SGCG: variants seen among roughly 807,000 people sequenced by gnomAD.
SGCG encodes the protein gamma-sarcoglycan.
SGCG carries 26 observed loss-of-function variants against 29.3 expected under a neutral mutation model. The ratio of observed to expected loss-of-function variants is 0.89; its 90% CI spans 0.65 to 1.23. The LOEUF (loss-of-function observed/expected upper bound fraction) is 1.23, where lower values mean the gene tolerates loss of function less well. Ranked by LOEUF, SGCG falls within the 50% of genes most tolerant of loss-of-function variation. The probability of loss-of-function intolerance (pLI) is 0.00; values close to 1 mark genes in which losing one functional copy is unlikely to be tolerated. For missense variants in SGCG, 353 were observed against 356.0 expected, an observed-to-expected ratio of 0.99 and a Z score of 0.07; for synonymous variants, 145 against 129.7, an observed-to-expected ratio of 1.12 and a Z score of -0.80.
At chr13:23,191,923 C>G (rs960990813) in intron 1 of SGCG, among the ~76,000 whole-genome samples, 2 of 152,132 alleles carry the variant, frequency 1.3e-5, no homozygotes, top group African/African-American at 4.8e-5. Context: ...CGGTGGCTCA[C>G]GCCTGTAATC....
At chr13:23,203,021 G>A (rs376695648) in intron 1 of SGCG, among the ~76,000 whole-genome samples, 4 of 151,866 alleles carry the variant, frequency 2.6e-5, no homozygotes, top group South Asian at 2.1e-4. Context: ...GTGCAGTGGC[G>A]CGATCTCTGC....
chr13:23,244,233 A>C (rs1200106778), intron 3 of SGCG: 1 of 152,232 alleles, frequency 6.6e-6, no homozygotes, highest in African/African-American at 2.4e-5. Context: ...CAGAGAAAGT[A>C]TAAACAAAAC....
At chr13:23,204,706 C>CTTT (rs398056176) in intron 2 of SGCG, among the ~76,000 whole-genome samples, 8 of 115,306 alleles carry the variant, frequency 6.9e-5, no homozygotes, top group African/African-American at 1.3e-4. Context: ...TCTTTCTTTC[C>CTTT]TTTTTTTTTT....
chr13:23,183,626 C>A (rs1331301249), intron 1 of SGCG, among the ~76,000 whole-genome samples: 1 of 152,092 alleles, frequency 6.6e-6, no homozygotes, highest in Non-Finnish European at 1.5e-5. Context: ...TTTTCTTCAA[C>A]ATTTTTGATT....
intron 2 of SGCG, among the ~76,000 whole-genome samples, chr13:23,218,467 G>A (rs7331038): frequency 0.71 from 107,569 of 152,020 alleles, 38,369 homozygotes; most frequent in East Asian, 0.92. Flanking sequence ...AAGATGTTAT[G>A]CTTCACTAAC....
intron 6 of SGCG, among the ~76,000 whole-genome samples, chr13:23,301,036 A>T (rs894348325): frequency 1.3e-5 from 2 of 152,132 alleles, no homozygotes; most frequent in Non-Finnish European, 2.9e-5. Context: ...GAATGGCGTG[A>T]ACCCAGGAGG....
the SGCG span, among the ~76,000 whole-genome samples, chr13:23,164,683 A>G: frequency 2.0e-5 from 3 of 152,092 alleles, no homozygotes; most frequent in Admixed American, 1.3e-4. Context: ...GATGCAAGAG[A>G]CAGGAGAGGT....
chr13:23,250,102 T>C (rs1394539313), intron 3 of SGCG, among the ~76,000 whole-genome samples: 6 of 152,254 alleles, frequency 3.9e-5, no homozygotes, highest in African/African-American at 1.4e-4. Flanking sequence ...GCTTAGTTTA[T>C]TTTTTATCTG....
At chr13:23,249,004 AAAAAAAAAC>A (rs1879850413) in intron 3 of SGCG, among the ~76,000 whole-genome samples, 1 of 147,542 alleles carries the variant, frequency 6.8e-6, no homozygotes, top group South Asian at 2.3e-4. Context: ...AAAGAAAAAA[AAAAAAAAAC>A]AAACCTCAAT....
At chr13:23,299,222 C>G (rs570715100) in intron 6 of SGCG, among the ~76,000 whole-genome samples, 1 of 151,488 alleles carries the variant, frequency 6.6e-6, no homozygotes, top group Non-Finnish European at 1.5e-5. Flanking sequence ...CACCACCCAG[C>G]GGATCCTTGA....
intron 4 of SGCG, among the ~76,000 whole-genome samples, chr13:23,270,739 T>G (rs1193024629): frequency 1.3e-5 from 2 of 152,166 alleles, no homozygotes; most frequent in East Asian, 3.8e-4. Flanking sequence ...AGATGTTGAG[T>G]CATTGCTTGA....
chr13:23,283,367 T>G (rs922880654), intron 5 of SGCG, among the ~76,000 whole-genome samples: 3 of 152,222 alleles, frequency 2.0e-5, no homozygotes, highest in African/African-American at 7.2e-5. Context: ...TTTACCATTA[T>G]GTAATGCCCT....
At chr13:23,239,635 A>T (rs1203818794) in intron 3 of SGCG, among the ~76,000 whole-genome samples, 2 of 152,214 alleles carry the variant, frequency 1.3e-5, no homozygotes, top group Non-Finnish European at 2.9e-5. Context: ...AGAACAATGT[A>T]TTTGGGATGT....
chr13:23,234,864 GAATTTAT>G (rs1359304390), intron 3 of SGCG, 152 bp downstream of exon 3: 92 of 625,540 alleles, frequency 1.5e-4, no homozygotes, highest in Non-Finnish European at 2.0e-4. Flanking sequence ...GACTATTGCA[GAATTTAT>G]CTCTGATATT....
intron 1 of SGCG, among the ~76,000 whole-genome samples, chr13:23,181,366 G>T (rs1440191740): frequency 6.6e-6 from 1 of 151,934 alleles, no homozygotes; most frequent in Non-Finnish European, 1.5e-5. Flanking sequence ...TGTATTATTG[G>T]GCATTGAATT....
intron 4 of SGCG, 91 bp from the exon 5 acceptor site, chr13:23,279,268 G>A (rs1881208546): frequency 5.9e-6 from 7 of 1,192,410 alleles, no homozygotes; most frequent in Non-Finnish European, 8.6e-6. Flanking sequence ...TAGATACTTG[G>A]TATTGTAGGG....
intron 4 of SGCG, among the ~76,000 whole-genome samples, chr13:23,251,587 AGC>A: frequency 6.6e-6 from 1 of 151,982 alleles, no homozygotes; most frequent in Non-Finnish European, 1.5e-5. Flanking sequence ...GATCAAGATC[AGC>A]CTGGGCAACA....
intron 4 of SGCG, among the ~76,000 whole-genome samples, chr13:23,260,491 CTT>C (rs1224951761): frequency 2.0e-5 from 3 of 152,128 alleles, no homozygotes; most frequent in Admixed American, 2.0e-4. Context: ...GGTCTTGACT[CTT>C]TATCCAATTT....
At position 23,320,664 on chromosome 13, in the gene SGCG, C is replaced by T; in HGVS notation, c.606C>T (p.Ser202=). The T allele has an allele frequency of 6.3e-7, 1 of 1,585,358 alleles. No individual in the cohort carries two copies. Among genetic ancestry groups the T allele is most frequent in the Non-Finnish European group, 8.6e-7 (1 of 1,164,462 alleles). ...LRLESPTRSL[S]MDAPRGVHIQ... ...TAGAATCCCCCACTCGGAGTCTAAG[C>T]ATGGATGCCCCAAGGGGTGTGCATA... Residue 202 remains serine, a synonymous_variant, in exon 7 of 8, where the codon AGC becomes AGT. Transcript: ENST00000218867.
Sources: gnomAD v4.1 joint callset for allele counts (sites outside exome capture counted in the v4.1 genomes callset) on GRCh38, gnomAD v4.1.1 for gene constraint, MANE v1.5 for transcripts, NCBI Gene and HGNC (gene_info 2026-07-23, HGNC 2026-07-21) for gene names.